LAMA1: variants seen among roughly 807,000 people sequenced by gnomAD.
The protein encoded by LAMA1 is laminin subunit alpha-1.
A neutral mutation model predicts 348.7 loss-of-function variants in LAMA1; 219 were observed. The ratio of observed to expected loss-of-function variants is 0.63; its 90% CI spans 0.56 to 0.70. The LOEUF (loss-of-function observed/expected upper bound fraction) is 0.70. LAMA1 is among the 30% of genes least tolerant of loss of function. The pLI, the probability that LAMA1 is intolerant of heterozygous loss-of-function variation, is 0.00. For synonymous variants in LAMA1, 1,487 were observed against 1,491.0 expected (o/e 1.00, Z 0.06); for missense variants, 3,744 against 3,888.0 (o/e 0.96, Z 0.99).
In LAMA1 at chr18:6,961,994, A is replaced by C. The variant is rs1373135643; in HGVS notation, c.7403T>G (p.Phe2468Cys). 1.2e-6 allele frequency: 2 copies of C among 1,614,126 alleles called. No individual in the cohort carries two copies. Among genetic ancestry groups the C allele is most frequent in the South Asian group, 2.2e-5 (2 of 91,092 alleles). The change falls in exon 52 of 63, where the codon TTT becomes TGT. Residue 2468 changes from phenylalanine to cysteine, a missense_variant. Phe to Cys is a radical substitution (Grantham distance 205). Around this residue, in one of 3 missense-constraint regions of LAMA1, gnomAD observed 1,983 missense variants for 1,934.3 expected, o/e 1.03. Coordinates refer to ENST00000389658, the MANE Select transcript of LAMA1 (RefSeq NM_005559.4). Reference sequence around the variant, plus strand: ...TCCATAGGAATTTCTGAGTAAGTCAAAGGTTGATCTGGATATTTCCAGGTT... The same window carrying C: ...TCCATAGGAATTTCTGAGTAAGTCACAGGTTGATCTGGATATTTCCAGGTT... Reference protein sequence around the residue: ...IKNLEISRSTFDLLRNSYGVR... With the variant: ...IKNLEISRSTCDLLRNSYGVR...
In LAMA1 at chr18:6,943,255, C is replaced by G; in HGVS notation, c.8992G>C (p.Val2998Leu). 6.2e-7 allele frequency: 1 copy of G among 1,614,220 alleles called. No individual in the cohort carries two copies. Among genetic ancestry groups the G allele is most frequent in the Non-Finnish European group, 8.5e-7 (1 of 1,180,046 alleles). The change falls in exon 62 of 63, where the codon GTT becomes CTT. Residue 2998 changes from valine to leucine, a missense_variant. By Grantham distance (32) the Val-to-Leu change is conservative (BLOSUM62 1). Transcript: ENST00000389658. ...TGGGTGTGTGGACTTTCAGCGCCAA[C>G]TGCGTTCCCGTCAACAATCAGAGTG... ...RITLIVDGNA[V>L]GAESPHTQST... is the part of the protein sequence containing the mutation.
chr18:7,073,848 GTT>G (rs1239472874), intron 3 of LAMA1, among the ~76,000 whole-genome samples: 1 of 63,782 alleles, frequency 1.6e-5, no homozygotes, highest in Non-Finnish European at 3.6e-5. Flanking sequence ...GTGTGTGTGT[GTT>G]TATGAGAAGG....
At chr18:7,042,443 G>T (rs1052472879) in intron 8 of LAMA1, 193 bp from the exon 9 acceptor site, 4 of 573,184 alleles carry the variant, frequency 7.0e-6, no homozygotes, top group Admixed American at 5.4e-5. Flanking sequence ...TTTTGATGGT[G>T]GCAGTAGTTA....
At chr18:6,973,469 G>A (rs1031691585) in intron 46 of LAMA1, among the ~76,000 whole-genome samples, 10 of 151,970 alleles carry the variant, frequency 6.6e-5, no homozygotes, top group Admixed American at 2.6e-4. Flanking sequence ...TGTCTACTCC[G>A]TAAATATTAT....
rs556568835 is a variant in LAMA1 at position 6,950,002 on chromosome 18, T to C, written c.8398-743A>G. 7.9e-5 allele frequency among the ~76,000 whole-genome samples: 12 copies of C among 152,342 alleles called. No individual in the cohort carries two copies. The South Asian group carries it at 1.5e-3, about 18-fold the overall frequency. Reference sequence around the variant, plus strand: ...GCCAATAGTCGTTAAGTGTTATACCTTCTCCAATTGCCCCATATAGATAAC... The same window carrying C: ...GCCAATAGTCGTTAAGTGTTATACCCTCTCCAATTGCCCCATATAGATAAC... On this transcript the variant is annotated intron_variant, in intron 58 of 62. Transcript: ENST00000389658.
intron 1 of LAMA1, among the ~76,000 whole-genome samples, chr18:7,103,097 C>G (rs1453305533): frequency 1.3e-5 from 2 of 152,160 alleles, no homozygotes; most frequent in East Asian, 3.9e-4. Context: ...CTGGCTTGTT[C>G]CTGACCTTGT....
rs927473367 is a variant in LAMA1 at position 7,083,190 on chromosome 18, T to C, written c.62-2733A>G. ...TGGCTGTTCTAAATATATATATATA[T>C]ACATTTTTTTTTTTTTTGAGACATA... On this transcript the variant is annotated intron_variant, in intron 1 of 62. Coordinates refer to ENST00000389658, the MANE Select transcript of LAMA1 (RefSeq NM_005559.4). Among the ~76,000 whole-genome samples the C allele has an allele frequency of 9.2e-5, 11 of 119,462 alleles. No individual in the cohort carries two copies. In the East Asian group the frequency reaches 2.4e-3, roughly 26 times the overall value. 78.4% of individuals were successfully genotyped at this position (119,462 alleles called of 152,430 possible).
chr18:6,941,980 A>G lies in LAMA1; in HGVS notation c.*99T>C. 1 of 1,472,078 alleles carries G rather than the reference A, an allele frequency of 6.8e-7. No homozygotes were observed. Among genetic ancestry groups the G allele is most frequent in the Non-Finnish European group, 9.4e-7 (1 of 1,059,240 alleles). The allele number at this position is 1,472,078 out of a possible 1,614,324, so 91.2% of individuals were successfully genotyped here. The stretch of plus-strand genomic sequence containing the variant: ...TCTCTCCCCAGAAACACTTAACCTG[A>G]GTTGGAAATGAAATATGAACTGAAG... On this transcript the variant is annotated 3_prime_UTR_variant, in exon 63 of 63. Transcript: ENST00000389658.
chr18:7,018,197 G>A (rs909701650), intron 19 of LAMA1, among the ~76,000 whole-genome samples: 2 of 151,338 alleles, frequency 1.3e-5, no homozygotes, highest in Non-Finnish European at 2.9e-5. Flanking sequence ...TTAGCCAGGC[G>A]TGGTGGCACG....
At chr18:6,972,736 C>T (rs963216296) in intron 47 of LAMA1, among the ~76,000 whole-genome samples, 3 of 152,184 alleles carry the variant, frequency 2.0e-5, no homozygotes, top group Non-Finnish European at 4.4e-5. Context: ...GTTGCCCAGG[C>T]TGGAGTGCAA....
At chr18:7,031,739 A>C (rs1436831109) in intron 16 of LAMA1, among the ~76,000 whole-genome samples, 1 of 148,550 alleles carries the variant, frequency 6.7e-6, no homozygotes, top group African/African-American at 2.6e-5. Context: ...CTTTGTATTT[A>C]ATAAGTAGAC....
chr18:7,071,693 A>G (rs2058146657), intron 3 of LAMA1, among the ~76,000 whole-genome samples: 1 of 152,264 alleles, frequency 6.6e-6, no homozygotes, highest in East Asian at 1.9e-4. Flanking sequence ...ATAAAACATT[A>G]GAACACAAAT....
intron 8 of LAMA1, 88 bp downstream of exon 8, chr18:7,043,139 C>T (rs2144186620): frequency 7.9e-7 from 1 of 1,271,814 alleles, no homozygotes; most frequent in Admixed American, 1.7e-5. Context: ...TTACAAAAGT[C>T]TCCAATACAG....
intron 58 of LAMA1, among the ~76,000 whole-genome samples, chr18:6,950,570 T>C (rs564817105): frequency 6.6e-6 from 1 of 152,312 alleles, no homozygotes; most frequent in African/African-American, 2.4e-5. Context: ...TGAATGTCTA[T>C]TTCACGTCAG....
In LAMA1 at chr18:6,941,858, C is replaced by T. The variant is rs974837405; in HGVS notation, c.*221G>A. 1.1e-5 allele frequency: 6 copies of T among 551,354 alleles called. No homozygotes were observed. The highest frequency in any genetic ancestry group is 2.1e-5 in the South Asian group (1 of 47,838). The allele number at this position is 551,354 out of a possible 1,614,324, so 34.2% of individuals were successfully genotyped here. A position where few individuals can be genotyped will look rare whatever the true frequency, so the allele number is the denominator to read the frequency against. ...GTGTATAAAGATTTTTTTAAAAATACGTTTAAAAAGAGAGCCAGGGAATTC... is the reference window on the plus strand; with the variant it reads ...GTGTATAAAGATTTTTTTAAAAATATGTTTAAAAAGAGAGCCAGGGAATTC... On this transcript the variant is annotated 3_prime_UTR_variant, in exon 63 of 63. Coordinates refer to ENST00000389658, the MANE Select transcript of LAMA1 (RefSeq NM_005559.4).
At chr18:7,062,849 C>T (rs929794992) in intron 3 of LAMA1, among the ~76,000 whole-genome samples, 16 of 152,182 alleles carry the variant, frequency 1.1e-4, no homozygotes, top group Non-Finnish European at 2.2e-4. Flanking sequence ...TTCTCCTAGT[C>T]CTCACATTGA....
intron 30 of LAMA1, among the ~76,000 whole-genome samples, chr18:7,000,443 C>T (rs56832950): frequency 0.067 from 10,239 of 152,136 alleles, 393 homozygotes; most frequent in East Asian, 0.09. Flanking sequence ...TAACGAAAGG[C>T]GAGGAAGGAA....
chr18:7,017,331 C>G lies in LAMA1; in HGVS notation c.2755G>C (p.Gly919Arg), dbSNP rs201635937. Residue 919 changes from glycine to arginine, a missense_variant, in exon 20 of 63, where the codon GGG (glycine) becomes CGG (arginine). Physicochemically the swap from Gly to Arg is moderately radical, Grantham distance 125. Around this residue, in one of 3 missense-constraint regions of LAMA1, gnomAD observed 1,529 missense variants for 1,689.4 expected, o/e 0.91. Transcript: ENST00000389658. ...SHSAVCHLETGLCDCKPNVTG... is the reference protein window; with the variant it reads ...SHSAVCHLETRLCDCKPNVTG... ...ACGTTTGGTTTGCAGTCACAGAGCC[C>G]GGTCTCAAGATGGCACACGGCAGAA... The G allele has an allele frequency of 1.8e-4, 296 of 1,614,016 alleles. 1 individual carries two copies. The East Asian group carries it at 6.4e-3, about 35-fold the overall frequency.
intron 36 of LAMA1, among the ~76,000 whole-genome samples, chr18:6,991,079 C>T (rs1210309996): frequency 1.3e-5 from 2 of 152,124 alleles, no homozygotes; most frequent in Non-Finnish European, 2.9e-5. Flanking sequence ...CTCATTCCCC[C>T]TGCGCAAGGC....
Sources: allele counts gnomAD v4.1 joint callset (sites outside exome capture counted in the v4.1 genomes callset), GRCh38; gene constraint gnomAD v4.1.1; regional missense constraint gnomAD v4.1.1; transcripts MANE v1.5; gene names NCBI Gene and HGNC (gene_info 2026-07-23, HGNC 2026-07-21).